The following KCNQ5 variants were observed in gnomAD, a reference collection of about 807,000 sequenced individuals.
The protein encoded by KCNQ5 is potassium voltage-gated channel subfamily Q member 5.
Under a neutral mutation model 98.2 loss-of-function variants are expected in KCNQ5, and 30 were observed. That is an observed-to-expected ratio of 0.31 (90% CI 0.23 to 0.41). The LOEUF is 0.41. Ranked by LOEUF, KCNQ5 falls within the 10% of genes least tolerant of loss-of-function variation. The probability of loss-of-function intolerance (pLI) is 1.00; values close to 1 mark genes in which losing one functional copy is unlikely to be tolerated. For missense variants in KCNQ5, 835 were observed against 1,182.5 expected, an observed-to-expected ratio of 0.71 and a Z score of 4.31; for synonymous variants, 458 against 449.4, an observed-to-expected ratio of 1.02 and a Z score of -0.24.
intron 1 of KCNQ5, among the ~76,000 whole-genome samples, chr6:72,641,475 C>T (rs1042219801): frequency 6.6e-5 from 10 of 151,962 alleles, no homozygotes; most frequent in Non-Finnish European, 4.4e-5. Context: ...GTTTATATGC[C>T]CCAAAGAGCC....
chr6:72,799,235 G>A (rs1012720737), intron 1 of KCNQ5, among the ~76,000 whole-genome samples: 3 of 152,208 alleles, frequency 2.0e-5, no homozygotes, highest in Non-Finnish European at 1.5e-5. Context: ...TCCTGCTGCC[G>A]AATTTCTAAA....
intron 1 of KCNQ5, among the ~76,000 whole-genome samples, chr6:72,674,962 T>C (rs1371724324): frequency 1.3e-5 from 2 of 152,224 alleles, no homozygotes; most frequent in African/African-American, 2.4e-5. Flanking sequence ...TATAGATCTC[T>C]TACTTTAAGT....
At chr6:72,854,413 G>A (rs1259042548) in intron 1 of KCNQ5, among the ~76,000 whole-genome samples, 4 of 145,588 alleles carry the variant, frequency 2.7e-5, no homozygotes, top group South Asian at 4.6e-4. Context: ...ACTGTTAACA[G>A]ATTATGTAGC....
chr6:73,132,796 G>A lies in KCNQ5; in HGVS notation c.1248-625G>A, dbSNP rs139718203. 9.7e-3 allele frequency among the ~76,000 whole-genome samples: 1,478 copies of A among 152,210 alleles called. 29 individuals are homozygous for A. The highest frequency in any genetic ancestry group is 0.034 in the African/African-American group (1,414 of 41,516). ...AGTCATCACATTCATTATCTGTTGGGGCTGTTCTATCTTGTGTGGTTTTCA... is the reference window on the plus strand; with the variant it reads ...AGTCATCACATTCATTATCTGTTGGAGCTGTTCTATCTTGTGTGGTTTTCA... On this transcript the variant is annotated intron_variant, in intron 9 of 13. Transcript: ENST00000370398.
At position 73,077,351 on chromosome 6, in the gene KCNQ5, G is replaced by A. The variant is rs764770444; in HGVS notation, c.646G>A (p.Val216Ile). 6.2e-7 allele frequency: 1 copy of A among 1,614,138 alleles called. No homozygotes were observed. Among genetic ancestry groups the A allele is most frequent in the Non-Finnish European group, 8.5e-7 (1 of 1,179,990 alleles). Residue 216 changes from valine to isoleucine, a missense_variant, in exon 4 of 14, where the codon GTT becomes ATT. Val to Ile is a conservative substitution (Grantham distance 29). Around this residue, in one of 10 missense-constraint regions of KCNQ5, gnomAD observed 48 missense variants for 112.1 expected, o/e 0.43. Coordinates refer to ENST00000370398, the MANE Select transcript of KCNQ5 (RefSeq NM_019842.4). ...DTIVLIASIA[V>I]VSAKTQGNIF... ...CATTGTTCTTATCGCTTCAATAGCA[G>A]TTGTTTCTGCAAAAACTCAGGGTAA...
rs375407329 is a variant in KCNQ5, at chr6:72,835,522, C to T, written c.399-168386C>T. On this transcript the variant is annotated intron_variant, in intron 1 of 13. Coordinates refer to ENST00000370398, the MANE Select transcript of KCNQ5 (RefSeq NM_019842.4). The stretch of plus-strand genomic sequence containing the variant: ...ATATATTTTTTCATCAATGAAATTT[C>T]ACTCACTATTTTTATCATGAGTAGA... 1.1e-4 allele frequency among the ~76,000 whole-genome samples: 16 copies of T among 152,172 alleles called. No individual in the cohort carries two copies. The South Asian group carries it at 3.1e-3, about 30-fold the overall frequency.
intron 1 of KCNQ5, among the ~76,000 whole-genome samples, chr6:72,891,832 C>G (rs1389500443): frequency 6.6e-6 from 1 of 152,112 alleles, no homozygotes; most frequent in Admixed American, 6.5e-5. Context: ...CTCTATTTAC[C>G]TCAAAAATCT....
intron 1 of KCNQ5, among the ~76,000 whole-genome samples, chr6:72,971,213 G>C (rs543497061): frequency 1.3e-5 from 2 of 152,312 alleles, no homozygotes; most frequent in South Asian, 4.1e-4. Flanking sequence ...CTCAAAAGAA[G>C]ACATTTATGC....
At chr6:72,961,682 T>TG (rs1354075172) in intron 1 of KCNQ5, among the ~76,000 whole-genome samples, 1 of 150,652 alleles carries the variant, frequency 6.6e-6, no homozygotes. Flanking sequence ...GGTGGGGATT[T>TG]GGACGGGCTG....
intron 1 of KCNQ5, among the ~76,000 whole-genome samples, chr6:72,787,783 A>C (rs1457996727): frequency 6.6e-6 from 1 of 152,160 alleles, no homozygotes; most frequent in Admixed American, 6.6e-5. Flanking sequence ...CTACATTTCC[A>C]AACTTAATCA....
intron 1 of KCNQ5, among the ~76,000 whole-genome samples, chr6:72,902,520 G>A (rs997279521): frequency 6.6e-6 from 1 of 152,014 alleles, no homozygotes; most frequent in Admixed American, 6.6e-5. Flanking sequence ...TGTCCTGTAT[G>A]TGCCAGTTTT....
chr6:72,658,559 G>GAT (rs1189137122), intron 1 of KCNQ5, among the ~76,000 whole-genome samples: 904 of 88,374 alleles, frequency 0.01, 20 homozygotes, highest in Middle Eastern at 0.027. Flanking sequence ...GGGATTAAAG[G>GAT]ATATATATAT....
At chr6:72,953,878 G>A (rs1012830943) in intron 1 of KCNQ5, among the ~76,000 whole-genome samples, 2 of 152,108 alleles carry the variant, frequency 1.3e-5, no homozygotes, top group African/African-American at 4.8e-5. Context: ...AGTGACTGGA[G>A]GAGACAGCAC....
intron 1 of KCNQ5, among the ~76,000 whole-genome samples, chr6:72,665,502 A>G (rs1766767757): frequency 6.6e-6 from 1 of 152,204 alleles, no homozygotes; most frequent in African/African-American, 2.4e-5. Flanking sequence ...GAAAATCAAA[A>G]GCATCCTGGT....
chr6:73,028,528 G>A (rs1397971888), intron 2 of KCNQ5, among the ~76,000 whole-genome samples: 1 of 152,134 alleles, frequency 6.6e-6, no homozygotes, highest in East Asian at 1.9e-4. Flanking sequence ...TGTGCACGTT[G>A]CTCTAGGACT....
chr6:73,005,517 A>G (rs573761997), intron 2 of KCNQ5, among the ~76,000 whole-genome samples: 2 of 152,360 alleles, frequency 1.3e-5, no homozygotes, highest in East Asian at 3.9e-4. Flanking sequence ...TTAGATTTAT[A>G]TCCTCCAAAC....
chr6:72,849,614 A>G (rs1318944040), intron 1 of KCNQ5, among the ~76,000 whole-genome samples: 18 of 152,200 alleles, frequency 1.2e-4, no homozygotes, highest in Admixed American at 1.2e-3. Flanking sequence ...TGCCCATCAG[A>G]CAGATTCAGG....
intron 1 of KCNQ5, among the ~76,000 whole-genome samples, chr6:72,869,574 G>A (rs1778124326): frequency 6.6e-6 from 1 of 152,078 alleles, no homozygotes; most frequent in African/African-American, 2.4e-5. Context: ...TCTTTGACAA[G>A]CATCGCCTTT....
chr6:72,850,063 T>C (rs549757615), intron 1 of KCNQ5, among the ~76,000 whole-genome samples: 1 of 152,330 alleles, frequency 6.6e-6, no homozygotes, highest in Non-Finnish European at 1.5e-5. Flanking sequence ...AGTCAATTTA[T>C]GAATTTTTAA....
Sources: allele counts gnomAD v4.1 joint callset (sites outside exome capture counted in the v4.1 genomes callset), GRCh38; gene constraint gnomAD v4.1.1; regional missense constraint gnomAD v4.1.1; transcripts MANE v1.5; gene names NCBI Gene and HGNC (gene_info 2026-07-23, HGNC 2026-07-21).